The following FRAS1 variants were observed in gnomAD, a reference collection of about 807,000 sequenced individuals.
FRAS1 encodes Fraser extracellular matrix complex subunit 1, also known as extracellular matrix organizing protein FRAS1.
FRAS1 carries 290 observed loss-of-function variants against 435.2 expected under a neutral mutation model. That is an observed-to-expected ratio of 0.67 (90% CI 0.61 to 0.73). The LOEUF is 0.73. Ranked by LOEUF, FRAS1 falls within the 30% of genes least tolerant of loss-of-function variation. The probability of loss-of-function intolerance (pLI) is 0.00; values close to 1 mark genes in which losing one functional copy is unlikely to be tolerated. For missense variants in FRAS1, 4,860 were observed against 5,001.5 expected, an observed-to-expected ratio of 0.97 and a Z score of 0.85; for synonymous variants, 1,800 against 1,851.0, an observed-to-expected ratio of 0.97 and a Z score of 0.71.
At chr4:78,517,194 A>G (rs17430075) in intron 66 of FRAS1, among the ~76,000 whole-genome samples, 21,229 of 152,086 alleles carry the variant, frequency 0.14, 1,784 homozygotes, top group Non-Finnish European at 0.2. Context: ...AAAATTTGTC[A>G]TTTTCTTTGT....
At chr4:78,105,386 G>T (rs1742351785) in intron 2 of FRAS1, among the ~76,000 whole-genome samples, 1 of 152,196 alleles carries the variant, frequency 6.6e-6, no homozygotes. Context: ...CACTCTAGAT[G>T]TGCTTTTCTG....
At chr4:78,232,616 C>T (rs903788691) in intron 2 of FRAS1, among the ~76,000 whole-genome samples, 3 of 152,052 alleles carry the variant, frequency 2.0e-5, no homozygotes, top group Non-Finnish European at 1.5e-5. Flanking sequence ...AGGTCCAATA[C>T]CTAGATGAAG....
chr4:78,379,654 C>T (rs1308183482), intron 26 of FRAS1, 72 bp from the exon 27 acceptor site: 1 of 1,465,050 alleles, frequency 6.8e-7, no homozygotes, highest in South Asian at 1.3e-5. Flanking sequence ...AAAAAATAAA[C>T]AAAATAAGGG....
At chr4:78,373,347 A>G (rs752048650) in intron 24 of FRAS1, among the ~76,000 whole-genome samples, 1 of 151,958 alleles carries the variant, frequency 6.6e-6, no homozygotes, top group Non-Finnish European at 1.5e-5. Flanking sequence ...TCAAAAGTGC[A>G]CAGAGAGCAT....
chr4:78,122,777 T>C (rs1719105059), intron 2 of FRAS1, among the ~76,000 whole-genome samples: 1 of 152,226 alleles, frequency 6.6e-6, no homozygotes, highest in Non-Finnish European at 1.5e-5. Context: ...AATATCTTCT[T>C]TTGAGAAGTG....
intron 14 of FRAS1, among the ~76,000 whole-genome samples, chr4:78,298,161 T>TAC (rs1248029513): frequency 4.0e-5 from 6 of 148,576 alleles, no homozygotes; most frequent in Non-Finnish European, 7.4e-5. Flanking sequence ...CATATATATA[T>TAC]ACCTTATATA....
intron 5 of FRAS1, 26 bp downstream of exon 5, chr4:78,252,577 C>T: frequency 2.5e-6 from 4 of 1,599,734 alleles, no homozygotes; most frequent in Non-Finnish European, 3.4e-6. Flanking sequence ...TAGAAGGGGA[C>T]CCTCTTTGCT....
intron 9 of FRAS1, among the ~76,000 whole-genome samples, chr4:78,275,429 G>C (rs1032515796): frequency 1.3e-5 from 2 of 152,132 alleles, no homozygotes; most frequent in East Asian, 3.9e-4. Context: ...TTACAATTTG[G>C]CATGTTTTTG....
rs369570676 is a variant in FRAS1, at chr4:78,247,529, C to G, written c.309+2204C>G. 5.3e-5 allele frequency among the ~76,000 whole-genome samples: 8 copies of G among 152,190 alleles called. No homozygotes were observed. The South Asian group carries it at 1.0e-3, about 20-fold the overall frequency. On this transcript the variant is annotated intron_variant, in intron 4 of 73. Coordinates refer to ENST00000512123, the MANE Select transcript of FRAS1 (RefSeq NM_025074.7). ...TGTTTCTTGTCTTTCTGTCCTTCCT[C>G]TCTTTCTTTCTTCACTTCCTCTAGG...
chr4:78,385,374 A>G (rs1288077626), intron 28 of FRAS1, among the ~76,000 whole-genome samples: 2 of 152,194 alleles, frequency 1.3e-5, no homozygotes, highest in African/African-American at 4.8e-5. Context: ...ATTGTTTTTC[A>G]TCTGATGTTT....
Position 78,508,937 on chromosome 4 carries a change from T to C in FRAS1, c.9711T>C (p.Asp3237=), listed in dbSNP as rs766798294. ...GCTGGGAAGTGGCTGCCCCCACTGA[T>C]GGCAATGGGGCCCGGTCTCCCTTTG... The part of the protein sequence containing the change: ...QFSWEVAAPT[D]GNGARSPFET... Residue 3237 remains aspartate, a synonymous_variant, in exon 63 of 74, where the codon GAT becomes GAC. Transcript: ENST00000512123. 4.3e-6 allele frequency: 7 copies of C among 1,613,840 alleles called. No homozygotes were observed. The African/African-American group carries it at 6.7e-5, about 15-fold the overall frequency.
chr4:78,519,121 C>A (rs181388895), intron 66 of FRAS1, among the ~76,000 whole-genome samples: 1 of 152,232 alleles, frequency 6.6e-6, no homozygotes, highest in East Asian at 1.9e-4. Context: ...TGCACGTGAC[C>A]CTGTCGAAAG....
intron 53 of FRAS1, among the ~76,000 whole-genome samples, chr4:78,474,165 A>G (rs112311303): frequency 3.9e-5 from 6 of 152,322 alleles, no homozygotes; most frequent in African/African-American, 1.2e-4. Flanking sequence ...GTAGGAATGT[A>G]TATCTGTAGG....
chr4:78,243,226 A>G (rs1275319758), intron 3 of FRAS1, among the ~76,000 whole-genome samples: 1 of 152,162 alleles, frequency 6.6e-6, no homozygotes, highest in Non-Finnish European at 1.5e-5. Context: ...GTATGCATAT[A>G]TGTAGTATGC....
At chr4:78,267,484 A>G in intron 9 of FRAS1, 52 bp downstream of exon 9, 1 of 1,540,074 alleles carries the variant, frequency 6.5e-7, no homozygotes, top group Non-Finnish European at 8.9e-7. Context: ...TTCCAACGGG[A>G]TAGTGAGGGG....
At chr4:78,180,382 A>C (rs1395105490) in intron 2 of FRAS1, among the ~76,000 whole-genome samples, 1 of 152,260 alleles carries the variant, frequency 6.6e-6, no homozygotes, top group African/African-American at 2.4e-5. Flanking sequence ...AAATTTGACA[A>C]ATCAAAGTTT....
At chr4:78,321,879 A>G (rs896641345) in intron 18 of FRAS1, among the ~76,000 whole-genome samples, 2 of 151,394 alleles carry the variant, frequency 1.3e-5, no homozygotes, top group Non-Finnish European at 2.9e-5. Flanking sequence ...ATCCTGCCAG[A>G]ATGGTTTCAT....
intron 70 of FRAS1, 39 bp from the exon 71 acceptor site, chr4:78,534,410 C>T: frequency 6.3e-7 from 1 of 1,586,198 alleles, no homozygotes; most frequent in Non-Finnish European, 8.6e-7. Flanking sequence ...CAAAGCTGAC[C>T]CTGCTCTCAA....
At chr4:78,412,346 A>C (rs1449759769) in intron 31 of FRAS1, among the ~76,000 whole-genome samples, 2 of 152,358 alleles carry the variant, frequency 1.3e-5, no homozygotes, top group African/African-American at 2.4e-5. Context: ...ACTGATGAGG[A>C]GGGAGAAGCT....
Sources: gnomAD v4.1 joint callset for allele counts (sites outside exome capture counted in the v4.1 genomes callset) on GRCh38, gnomAD v4.1.1 for gene constraint, MANE v1.5 for transcripts, NCBI Gene and HGNC (gene_info 2026-07-23, HGNC 2026-07-21) for gene names.